ABHD2: variants seen among roughly 807,000 people sequenced by gnomAD.
ABHD2 encodes the protein abhydrolase domain containing 2, acylglycerol lipase.
ABHD2 carries 20 observed loss-of-function variants against 48.1 expected under a neutral mutation model. The ratio of observed to expected loss-of-function variants is 0.42; its 90% CI spans 0.29 to 0.60. The LOEUF (loss-of-function observed/expected upper bound fraction) is 0.60. ABHD2 is among the 20% of genes least tolerant of loss of function. The probability of loss-of-function intolerance (pLI) is 0.24; values close to 1 mark genes in which losing one functional copy is unlikely to be tolerated. For synonymous variants in ABHD2, 209 were observed against 214.2 expected, an observed-to-expected ratio of 0.98 and a Z score of 0.21; for missense variants, 405 against 550.9, an observed-to-expected ratio of 0.74 and a Z score of 2.65.
At chr15:89,052,550 G>GACACACACAC in the ABHD2 span, among the ~76,000 whole-genome samples, 176 of 107,422 alleles carry the variant, frequency 1.6e-3, 1 homozygote, top group African/African-American at 5.1e-3. Context: ...CAGACAGACA[G>GACACACACAC]ACAGACAGAC....
chr15:89,193,255 G>A lies in ABHD2; in HGVS notation c.1017G>A (p.Leu339=), dbSNP rs1213175177. 6.2e-7 allele frequency: 1 copy of A among 1,614,188 alleles called. No homozygotes were observed. The highest frequency in any genetic ancestry group is 1.7e-5 in the Admixed American group (1 of 60,034). ...TGCAGATTTATGTTCCTCTCATGCTGGTTAATGCAGCTGACGATCCGTTGG... is the reference window on the plus strand; with the variant it reads ...TGCAGATTTATGTTCCTCTCATGCTAGTTAATGCAGCTGACGATCCGTTGG... ...YLHRIYVPLM[L]VNAADDPLVH... is the part of the protein sequence containing the mutation. Residue 339 remains leucine (L), a synonymous_variant, in exon 10 of 11, where the codon CTG becomes CTA. Transcript: ENST00000352732.
chr15:89,158,695 G>C (rs2050713515), intron 5 of ABHD2, among the ~76,000 whole-genome samples: 1 of 152,042 alleles, frequency 6.6e-6, no homozygotes, highest in African/African-American at 2.4e-5. Flanking sequence ...TGTATGTTAG[G>C]TTCATTCTTT....
intron 5 of ABHD2, among the ~76,000 whole-genome samples, chr15:89,169,184 A>G (rs1026949457): frequency 6.6e-6 from 1 of 152,182 alleles, no homozygotes; most frequent in African/African-American, 2.4e-5. Context: ...GAGTACTATT[A>G]CCTAAGTAGA....
At position 89,195,346 on chromosome 15, in the gene ABHD2, G is replaced by A; in HGVS notation, c.1201G>A (p.Ala401Thr). 9 of 1,614,210 alleles carry A rather than the reference G, an allele frequency of 5.6e-6. No homozygotes were observed. The highest frequency in any genetic ancestry group is 7.6e-6 in the Non-Finnish European group (9 of 1,180,030). Reference protein sequence around the residue: ...TWMDKLVVEYANAICQWERNK... With the variant: ...TWMDKLVVEYTNAICQWERNK... ...GATGGATAAGCTGGTGGTGGAGTAC[G>A]CCAACGCCATTTGCCAATGGGAGCG... Residue 401 changes from alanine to threonine, a missense_variant, in exon 11 of 11, where the codon GCC becomes ACC. Ala to Thr is a moderately conservative substitution (Grantham distance 58). Transcript: ENST00000352732. This position sits in a 1 kb window ranked among gnomAD's most constrained non-coding sequence, Gnocchi z 5.1.
chr15:89,050,224 C>T, the ABHD2 span, among the ~76,000 whole-genome samples: 1 of 152,190 alleles, frequency 6.6e-6, no homozygotes, highest in African/African-American at 2.4e-5. Flanking sequence ...AAGCCACACA[C>T]ATGAACCCAG....
At position 89,174,057 on chromosome 15, in the gene ABHD2, G is replaced by A. The variant is rs956046828; in HGVS notation, c.539-1755G>A. Among the ~76,000 whole-genome samples, 12 of 152,118 alleles carry A rather than the reference G, an allele frequency of 7.9e-5. No individual in the cohort carries two copies. Among genetic ancestry groups the A allele is most frequent in the African/African-American group, 2.9e-4 (12 of 41,392 alleles). ...CCTCCAGGGGTGTCAAAAATATTCT[G>A]CGTCTTCATCTGGGCAATGCTTACC... On this transcript the variant is annotated intron_variant, in intron 5 of 10. Transcript: ENST00000352732. This position sits in a 1 kb window ranked among gnomAD's most constrained non-coding sequence, Gnocchi z 4.1.
chr15:89,111,126 A>G (rs1274158514), intron 1 of ABHD2, among the ~76,000 whole-genome samples: 1 of 152,242 alleles, frequency 6.6e-6, no homozygotes, highest in African/African-American at 2.4e-5. Flanking sequence ...TATCACATAT[A>G]TAATTGTTGT....
rs146879466 is a variant in ABHD2 at position 89,108,249 on chromosome 15, G to T, written c.-106-5476G>T. ...TTTACAAGGTTGGCTCCTTCCTTAG[G>T]CTCTGAAGGCAAGACTGTTCCCTGC... On this transcript the variant is annotated intron_variant, in intron 1 of 10. Transcript: ENST00000352732. Among the ~76,000 whole-genome samples, 1,119 of 152,250 alleles carry T rather than the reference G, an allele frequency of 7.3e-3. 8 individuals carry two copies. The highest frequency in any genetic ancestry group is 0.026 in the African/African-American group (1,060 of 41,538).
the ABHD2 span, among the ~76,000 whole-genome samples, chr15:89,043,643 G>A: frequency 7.3e-6 from 1 of 136,880 alleles, no homozygotes; most frequent in East Asian, 2.4e-4. Context: ...GGAGGAGGAG[G>A]AAGGAGAAGG....
In ABHD2 at chr15:89,195,570, G is replaced by A. The variant is rs1356710505; in HGVS notation, c.*147G>A. The A allele has an allele frequency of 3.7e-6, 3 of 805,068 alleles. No individual in the cohort carries two copies. The highest frequency in any genetic ancestry group is 3.5e-5 in the African/African-American group (2 of 56,878). The allele number at this position is 805,068 out of a possible 1,614,324, so 49.9% of individuals were successfully genotyped here. A position where few individuals can be genotyped will look rare whatever the true frequency, so the allele number is the denominator to read the frequency against. ...GCACCCACCATGCACACCTGTCTCG[G>A]AGTAGGCAGCTCTTCCTGGGAGCTC... On this transcript the variant is annotated 3_prime_UTR_variant, in exon 11 of 11. Coordinates refer to ENST00000352732, the MANE Select transcript of ABHD2 (RefSeq NM_152924.5). This position sits in a 1 kb window ranked among gnomAD's most constrained non-coding sequence, Gnocchi z 5.1.
At chr15:89,161,562 A>T (rs1376154775) in intron 5 of ABHD2, among the ~76,000 whole-genome samples, 1 of 152,060 alleles carries the variant, frequency 6.6e-6, no homozygotes, top group African/African-American at 2.4e-5. Flanking sequence ...CACCACACCC[A>T]GCTAATTTTT....
rs2051073218 is a variant in ABHD2 at position 89,179,512 on chromosome 15, C to T, written c.722+3517C>T. ...TGATCTGTCGCTGTCTCCCATCACC[C>T]CCAGATGGGACTGTCTAGTTGCAGG... On this transcript the variant is annotated intron_variant, in intron 6 of 10. Coordinates refer to ENST00000352732, the MANE Select transcript of ABHD2 (RefSeq NM_152924.5). The surrounding 1 kb of genome is among the most constrained non-coding windows in gnomAD (Gnocchi z 4.3). 6.6e-6 allele frequency among the ~76,000 whole-genome samples: 1 copy of T among 152,110 alleles called. No individual in the cohort carries two copies. The highest frequency in any genetic ancestry group is 1.5e-5 in the Non-Finnish European group (1 of 68,018).
upstream of ABHD2, among the ~76,000 whole-genome samples, chr15:89,084,542 G>A (rs1901324704): frequency 1.3e-5 from 2 of 152,028 alleles, no homozygotes; most frequent in Non-Finnish European, 2.9e-5. The surrounding 1 kb of genome is among the most constrained non-coding windows in gnomAD (Gnocchi z 4.4). Context: ...CAAGTGATCC[G>A]CCCACCTCAG....
chr15:89,081,719 C>T, the ABHD2 span, among the ~76,000 whole-genome samples: 10 of 151,992 alleles, frequency 6.6e-5, no homozygotes, highest in African/African-American at 9.7e-5. Flanking sequence ...GACGTGGTGG[C>T]GCACGCGTGT....
chr15:89,175,050 G>A lies in ABHD2; in HGVS notation c.539-762G>A, dbSNP rs536551558. On this transcript the variant is annotated intron_variant, in intron 5 of 10. Coordinates refer to ENST00000352732, the MANE Select transcript of ABHD2 (RefSeq NM_152924.5). The surrounding 1 kb of genome is among the most constrained non-coding windows in gnomAD (Gnocchi z 5.7). Reference sequence around the variant, plus strand: ...ACAGAGCATCCTGGCAGTCCCTCTGGACTGAAGTTTATCTTTCCTCTCCTT... The same window carrying A: ...ACAGAGCATCCTGGCAGTCCCTCTGAACTGAAGTTTATCTTTCCTCTCCTT... Among the ~76,000 whole-genome samples the A allele has an allele frequency of 9.2e-5, 14 of 152,208 alleles. No homozygotes were observed. The South Asian group carries it at 2.9e-3, about 32-fold the overall frequency.
chr15:89,138,803 T>C (rs991936204), intron 3 of ABHD2, among the ~76,000 whole-genome samples: 5 of 152,018 alleles, frequency 3.3e-5, no homozygotes, highest in African/African-American at 9.7e-5. Flanking sequence ...TTGAGTGTGA[T>C]AAAGTAAGGA....
intron 6 of ABHD2, among the ~76,000 whole-genome samples, chr15:89,178,662 A>C (rs1240479088): frequency 6.6e-6 from 1 of 152,184 alleles, no homozygotes; most frequent in Non-Finnish European, 1.5e-5. Flanking sequence ...CTTCTACCTA[A>C]ATGTGCTGAA....
At chr15:89,183,439 C>G (rs186265805) in intron 6 of ABHD2, 1 of 124,658 alleles carries the variant, frequency 8.0e-6, no homozygotes, top group Admixed American at 9.2e-5. Context: ...ATACATTGAT[C>G]TTGATTCTTT....
chr15:89,128,690 C>T (rs182916694), intron 3 of ABHD2, among the ~76,000 whole-genome samples: 253 of 152,248 alleles, frequency 1.7e-3, no homozygotes, highest in African/African-American at 5.9e-3. Context: ...CTGGTCTGGT[C>T]TCTATAGTTG....
Sources: gnomAD v4.1 joint callset for allele counts (sites outside exome capture counted in the v4.1 genomes callset) on GRCh38, gnomAD v4.1.1 for gene constraint, Gnocchi (gnomAD v3.1) non-coding constraint, MANE v1.5 for transcripts, NCBI Gene and HGNC (gene_info 2026-07-23, HGNC 2026-07-21) for gene names.